Variants in DPP6 observed in about 807,000 individuals in gnomAD.
DPP6 encodes the protein A-type potassium channel modulatory protein DPP6.
In DPP6, 69 loss-of-function variants were observed where a neutral mutation model predicts 122.6. The observed-to-expected ratio is 0.56, with a 90% CI of 0.46 to 0.69. The LOEUF is 0.69. DPP6 is among the 30% of genes least tolerant of loss of function. The pLI is 0.00. For missense variants in DPP6, 928 were observed against 1,116.9 expected (o/e 0.83, Z 2.41); for synonymous variants, 418 against 433.1 (o/e 0.97, Z 0.43).
At chr7:154,792,272 T>C (rs1330172307) in intron 10 of DPP6, among the ~76,000 whole-genome samples, 2 of 152,212 alleles carry the variant, frequency 1.3e-5, no homozygotes, top group Middle Eastern at 3.2e-3. Context: ...ACACGTCCCA[T>C]GGTAGGGAAT....
chr7:154,834,905 G>A (rs1410627463), intron 16 of DPP6, among the ~76,000 whole-genome samples: 3 of 152,194 alleles, frequency 2.0e-5, no homozygotes, highest in African/African-American at 4.8e-5. Flanking sequence ...GGTTTGTTGT[G>A]ATAGTGACTG....
chr7:154,445,335 A>G (rs1046123043), intron 1 of DPP6, among the ~76,000 whole-genome samples: 12 of 152,080 alleles, frequency 7.9e-5, no homozygotes, highest in African/African-American at 2.7e-4. Context: ...TGTAACTATT[A>G]TATTTATTAC....
intron 1 of DPP6, among the ~76,000 whole-genome samples, chr7:154,002,563 G>GT (rs547313339): frequency 1.3e-3 from 198 of 152,300 alleles, no homozygotes; most frequent in African/African-American, 4.6e-3. Context: ...TAGTCATTTG[G>GT]TGGCTTATTT....
rs543215925 is a variant in DPP6 at position 153,938,288 on chromosome 7, G to A, written c.51+50554G>A. Reference sequence around the variant, plus strand: ...GTAAGCTTTTCAGATCTGGGGATTGGGGACTTCCCATTTTAGATGGAAGTC... The same window carrying A: ...GTAAGCTTTTCAGATCTGGGGATTGAGGACTTCCCATTTTAGATGGAAGTC... On this transcript the variant is annotated intron_variant, in intron 1 of 25. Transcript: ENST00000404039. Among the ~76,000 whole-genome samples, 36 of 152,256 alleles carry A rather than the reference G, an allele frequency of 2.4e-4. No homozygotes were observed. In the South Asian group the frequency reaches 3.5e-3, roughly 15 times the overall value.
In DPP6 at chr7:154,044,138, C is replaced by T. The variant is rs537713402; in HGVS notation, c.51+156404C>T. Among the ~76,000 whole-genome samples the T allele has an allele frequency of 3.3e-5, 5 of 152,218 alleles. No individual in the cohort carries two copies. The East Asian group carries it at 7.7e-4, about 24-fold the overall frequency. On this transcript the variant is annotated intron_variant, in intron 1 of 25. Transcript: ENST00000404039. ...TCATGTGACTGGTGGATTTATTTAG[C>T]CAATGGGCAATTTCGGTGTACCTCT...
intron 5 of DPP6, among the ~76,000 whole-genome samples, chr7:154,584,285 C>T (rs1046972389): frequency 3.3e-5 from 5 of 152,242 alleles, no homozygotes; most frequent in African/African-American, 1.2e-4. Flanking sequence ...CTGCCTCCTC[C>T]ACTGACCTCA....
chr7:154,351,077 A>C (rs1362180983), intron 1 of DPP6, among the ~76,000 whole-genome samples: 2 of 152,172 alleles, frequency 1.3e-5, no homozygotes, highest in Non-Finnish European at 2.9e-5. Flanking sequence ...AGAAGTTAGG[A>C]GCATGTGACG....
chr7:153,975,111 A>G (rs1585117333), intron 1 of DPP6, among the ~76,000 whole-genome samples: 1 of 152,182 alleles, frequency 6.6e-6, no homozygotes, highest in African/African-American at 2.4e-5. Flanking sequence ...TGGAGTACCC[A>G]TGAGACGTAA....
At chr7:154,881,119 A>C in intron 21 of DPP6, 177 bp downstream of exon 21, 2 of 1,106,842 alleles carry the variant, frequency 1.8e-6, no homozygotes, top group Non-Finnish European at 2.4e-6. Flanking sequence ...TCATTTGATC[A>C]GCTCATTTTC....
intron 2 of DPP6, among the ~76,000 whole-genome samples, chr7:154,465,887 A>G (rs906300116): frequency 3.9e-5 from 6 of 152,190 alleles, no homozygotes; most frequent in Non-Finnish European, 8.8e-5. Context: ...AAATCATTCT[A>G]CTATAAGGAC....
At chr7:154,575,229 GTGTGTGGTGTT>G (rs1280791235) in intron 5 of DPP6, among the ~76,000 whole-genome samples, 31 of 125,556 alleles carry the variant, frequency 2.5e-4, no homozygotes, top group South Asian at 1.2e-3. Flanking sequence ...GGTGTGGTGT[GTGTGTGGTGTT>G]TGTGTGGTGT....
At chr7:154,504,038 G>A (rs1026499346) in intron 3 of DPP6, among the ~76,000 whole-genome samples, 1 of 152,188 alleles carries the variant, frequency 6.6e-6, no homozygotes, top group Non-Finnish European at 1.5e-5. Flanking sequence ...AATGATCCCT[G>A]CTTGCTAACA....
chr7:154,869,336 C>T (rs77705626), intron 18 of DPP6, among the ~76,000 whole-genome samples: 4,090 of 152,224 alleles, frequency 0.027, 217 homozygotes, highest in Admixed American at 0.14. Context: ...GCTCACCCCA[C>T]GAAACAAAAA....
At chr7:154,475,572 T>C in intron 3 of DPP6, 1 of 157,576 alleles carries the variant, frequency 6.3e-6, no homozygotes, top group Non-Finnish European at 1.4e-5. Context: ...TTAAATCTAC[T>C]TTCCTTGTAT....
At position 154,624,388 on chromosome 7, in the gene DPP6, A is replaced by G. The variant is rs1377453302; in HGVS notation, c.628-13433A>G. Reference sequence around the variant, plus strand: ...GTGCCTATAATCCCAGCTACTCAGAAGGCTGAGGCAGGAAAATCACTTGTA... The same window carrying G: ...GTGCCTATAATCCCAGCTACTCAGAGGGCTGAGGCAGGAAAATCACTTGTA... On this transcript the variant is annotated intron_variant, in intron 5 of 25. Coordinates refer to ENST00000377770, the MANE Select transcript of DPP6 (RefSeq NM_130797.4). This position sits in a 1 kb window ranked among gnomAD's most constrained non-coding sequence, Gnocchi z 4.7. 1.3e-5 allele frequency among the ~76,000 whole-genome samples: 2 copies of G among 152,002 alleles called. No homozygotes were observed. Among genetic ancestry groups the G allele is most frequent in the Non-Finnish European group, 2.9e-5 (2 of 68,016 alleles).
At chr7:154,087,399 C>G (rs776018538) in intron 1 of DPP6, among the ~76,000 whole-genome samples, 4 of 152,174 alleles carry the variant, frequency 2.6e-5, no homozygotes, top group Non-Finnish European at 5.9e-5. Flanking sequence ...TCAAAGACTA[C>G]TCTGTCTGCT....
Position 154,533,699 on chromosome 7 carries a change from C to A in DPP6, c.458-6833C>A, listed in dbSNP as rs376034083. Among the ~76,000 whole-genome samples, 3 of 152,082 alleles carry A rather than the reference C, an allele frequency of 2.0e-5. No individual in the cohort carries two copies. In the East Asian group the frequency reaches 5.8e-4, roughly 29 times the overall value. On this transcript the variant is annotated intron_variant, in intron 3 of 25. Transcript: ENST00000377770. ...AAAAATGCCTGGCAAAATATTAACA[C>A]ATAAAAATCAACAATAGGCCTGGCA...
chr7:154,794,262 C>A, intron 11 of DPP6, 60 bp downstream of exon 11: 1 of 1,500,924 alleles, frequency 6.7e-7, no homozygotes, highest in East Asian at 2.5e-5. Context: ...CAGACGCGCC[C>A]GAGGTGGCGC....
At chr7:154,889,591 G>T in intron 25 of DPP6, 61 bp downstream of exon 25, 1 of 1,556,748 alleles carries the variant, frequency 6.4e-7, no homozygotes, top group South Asian at 1.2e-5. Context: ...CATGGAGAAA[G>T]ACCTGACGGG....
Sources: gnomAD v4.1 joint callset for allele counts (sites outside exome capture counted in the v4.1 genomes callset) on GRCh38, gnomAD v4.1.1 for gene constraint, Gnocchi (gnomAD v3.1) non-coding constraint, MANE v1.5 for transcripts, NCBI Gene and HGNC (gene_info 2026-07-23, HGNC 2026-07-21) for gene names.